TMEM232: variants seen among roughly 807,000 people sequenced by gnomAD.
TMEM232 encodes the protein transmembrane protein 232.
Under a neutral mutation model 78.8 loss-of-function variants are expected in TMEM232, and 80 were observed. That is an observed-to-expected ratio of 1.01 (90% CI 0.85 to 1.22). The LOEUF (loss-of-function observed/expected upper bound fraction) is 1.22, where lower values mean the gene tolerates loss of function less well. Among genes scored for constraint, TMEM232 ranks in the 50% most tolerant of loss-of-function variants. The pLI, the probability that TMEM232 is intolerant of heterozygous loss-of-function variation, is 0.00. For missense variants in TMEM232, 881 were observed against 742.2 expected (o/e 1.19, Z -2.17); for synonymous variants, 297 against 254.3 (o/e 1.17, Z -1.60).
At chr5:110,706,778 T>C (rs1022673695) in intron 1 of TMEM232, among the ~76,000 whole-genome samples, 4 of 152,176 alleles carry the variant, frequency 2.6e-5, no homozygotes, top group Non-Finnish European at 5.9e-5. Flanking sequence ...CTCATTTCTC[T>C]GTGAAATGAA....
intron 12 of TMEM232, among the ~76,000 whole-genome samples, chr5:110,523,085 A>G (rs1769789206): frequency 6.6e-6 from 1 of 152,202 alleles, no homozygotes; most frequent in African/African-American, 2.4e-5. Flanking sequence ...TCTCCATAGT[A>G]GTTATAAGTA....
At chr5:110,712,672 T>A (rs948386279) in intron 1 of TMEM232, among the ~76,000 whole-genome samples, 1 of 152,172 alleles carries the variant, frequency 6.6e-6, no homozygotes, top group African/African-American at 2.4e-5. Flanking sequence ...TATCAGAATA[T>A]ATAAATATTG....
At chr5:110,531,329 T>G (rs886363172) in intron 11 of TMEM232, among the ~76,000 whole-genome samples, 2 of 152,226 alleles carry the variant, frequency 1.3e-5, no homozygotes, top group Admixed American at 1.3e-4. Flanking sequence ...CGGACACACA[T>G]GAAATTTGGT....
intron 12 of TMEM232, among the ~76,000 whole-genome samples, chr5:110,520,787 G>A (rs191312316): frequency 2.0e-5 from 3 of 152,176 alleles, no homozygotes; most frequent in East Asian, 1.9e-4. Context: ...GCATGGTGTC[G>A]TATGCTTATA....
In TMEM232 at chr5:110,490,173, G is replaced by GAAAGAAAT. The variant is rs1554089434; in HGVS notation, c.1703+38414_1703+38415insATTTCTTT. Among the ~76,000 whole-genome samples the GAAAGAAAT allele has an allele frequency of 1.1e-3, 135 of 126,452 alleles. 2 individuals are homozygous for GAAAGAAAT. Among genetic ancestry groups the GAAAGAAAT allele is most frequent in the African/African-American group, 4.8e-3 (127 of 26,442 alleles). The allele number at this position is 126,452 out of a possible 152,430, so 83.0% of individuals were successfully genotyped here. A position where few individuals can be genotyped will look rare whatever the true frequency, so the allele number is the denominator to read the frequency against. ...AGAAAGAAAGAAAGAAAGAAAGAAA[G>GAAAGAAAT]AAAGAAAGAAAGAAAGAAAAAGTTA... On this transcript the variant is annotated intron_variant, in intron 12 of 13. Transcript: ENST00000455884.
chr5:110,500,267 T>TGCAA (rs986272761), intron 12 of TMEM232, among the ~76,000 whole-genome samples: 7 of 123,006 alleles, frequency 5.7e-5, no homozygotes, highest in Non-Finnish European at 9.4e-5. Flanking sequence ...CTAGCCTGGG[T>TGCAA]GACAGAGCAA....
intron 12 of TMEM232, among the ~76,000 whole-genome samples, chr5:110,483,725 T>G (rs1464972315): frequency 4.0e-5 from 6 of 151,732 alleles, no homozygotes; most frequent in Admixed American, 3.9e-4. Flanking sequence ...GTTGTGCACA[T>G]GTACCCTAAA....
At chr5:110,668,601 T>C (rs56254455) in intron 1 of TMEM232, among the ~76,000 whole-genome samples, 15 of 152,228 alleles carry the variant, frequency 9.9e-5, no homozygotes, top group Non-Finnish European at 1.8e-4. Context: ...TCTCCAGGAA[T>C]TGAACTCAGC....
At chr5:110,429,298 A>G (rs1476529087) in intron 12 of TMEM232, among the ~76,000 whole-genome samples, 1 of 151,838 alleles carries the variant, frequency 6.6e-6, no homozygotes, top group Non-Finnish European at 1.5e-5. Flanking sequence ...CAATAGGATG[A>G]TGATTAGATT....
intron 11 of TMEM232, among the ~76,000 whole-genome samples, chr5:110,547,280 C>A (rs991369527): frequency 3.9e-5 from 6 of 152,150 alleles, no homozygotes; most frequent in African/African-American, 9.6e-5. Flanking sequence ...GATGTTTGTT[C>A]TTTTACTCAG....
chr5:110,666,350 T>C (rs897082829), intron 2 of TMEM232, among the ~76,000 whole-genome samples: 4 of 152,342 alleles, frequency 2.6e-5, no homozygotes, highest in South Asian at 2.1e-4. Flanking sequence ...AACATTTCTA[T>C]TGTATTCTAC....
intron 10 of TMEM232, among the ~76,000 whole-genome samples, chr5:110,576,705 G>C (rs1378189453): frequency 6.6e-6 from 1 of 152,058 alleles, no homozygotes; most frequent in African/African-American, 2.4e-5. Flanking sequence ...CAATGGAACA[G>C]AATAGAGAAC....
At chr5:110,657,424 A>C in intron 2 of TMEM232, among the ~76,000 whole-genome samples, 1 of 151,714 alleles carries the variant, frequency 6.6e-6, no homozygotes, top group East Asian at 1.9e-4. Flanking sequence ...AATACTATAA[A>C]GCCATAAAAC....
At position 110,568,499 on chromosome 5, in the gene TMEM232, G is replaced by T; in HGVS notation, c.1403C>A (p.Thr468Lys). The T allele has an allele frequency of 6.5e-7, 1 of 1,548,672 alleles. No homozygotes were observed. Among genetic ancestry groups the T allele is most frequent in the Middle Eastern group, 1.7e-4 (1 of 5,970 alleles). Residue 468 changes from threonine to lysine, a missense_variant, in exon 11 of 14, where the codon ACA becomes AAA. Coordinates refer to ENST00000455884, the MANE Select transcript of TMEM232 (RefSeq NM_001039763.4). ...TCGTACATCTTCCTCATAATCCTTTGTTTTCTGCAATGTTTGCCATATCAT... is the reference window on the plus strand; with the variant it reads ...TCGTACATCTTCCTCATAATCCTTTTTTTTCTGCAATGTTTGCCATATCAT... Reference protein sequence around the residue: ...RNMIWQTLQKTKDYEEDVRIQ... With the variant: ...RNMIWQTLQKKKDYEEDVRIQ...
chr5:110,709,863 G>C (rs570132637), intron 1 of TMEM232, among the ~76,000 whole-genome samples: 2 of 151,938 alleles, frequency 1.3e-5, no homozygotes, highest in East Asian at 3.9e-4. Flanking sequence ...AAAATTAGTA[G>C]AAGAAAAGAA....
At position 110,420,745 on chromosome 5, in the gene TMEM232, C is replaced by T; in HGVS notation, c.1809G>A (p.Glu603=). The T allele has an allele frequency of 6.6e-7, 1 of 1,521,244 alleles. No homozygotes were observed. Among genetic ancestry groups the T allele is most frequent in the Admixed American group, 2.1e-5 (1 of 47,748 alleles). The allele number at this position is 1,521,244 out of a possible 1,614,324, so 94.2% of individuals were successfully genotyped here. The change falls in exon 14 of 14, where the codon GAG becomes GAA. Residue 603 remains glutamate, a synonymous_variant. Transcript: ENST00000455884. The part of the protein sequence containing the change: ...AKIIDHHWQE[E]LKIREKEDAI... ...CATCTTCTTTTTCTCGGATCTTTAG[C>T]TCTTCCTGCCACTGTTACAGAGAGA...
intron 1 of TMEM232, among the ~76,000 whole-genome samples, chr5:110,702,836 C>T (rs1795565355): frequency 6.6e-6 from 1 of 152,032 alleles, no homozygotes; most frequent in Admixed American, 6.6e-5. Context: ...GTTAACAGCA[C>T]TCATCAGAGC....
intron 2 of TMEM232, among the ~76,000 whole-genome samples, chr5:110,405,409 A>C (rs994384849): frequency 2.6e-5 from 4 of 152,074 alleles, no homozygotes; most frequent in African/African-American, 9.7e-5. Flanking sequence ...GAAGCAGGAA[A>C]ACATGTCCCA....
At chr5:110,415,673 T>C (rs1372579235), downstream of TMEM232, among the ~76,000 whole-genome samples, 2 of 152,050 alleles carry the variant, frequency 1.3e-5, no homozygotes, top group African/African-American at 4.8e-5. Flanking sequence ...GGGAAGCTTT[T>C]GATTGGGAAG....
Sources: gnomAD v4.1 joint callset for allele counts (sites outside exome capture counted in the v4.1 genomes callset) on GRCh38, gnomAD v4.1.1 for gene constraint, MANE v1.5 for transcripts, NCBI Gene and HGNC (gene_info 2026-07-23, HGNC 2026-07-21) for gene names.